LTBP1: variants seen among roughly 807,000 people sequenced by gnomAD.
The protein encoded by LTBP1 is latent-transforming growth factor beta-binding protein 1.
A neutral mutation model predicts 207.6 loss-of-function variants in LTBP1; 129 were observed. The ratio of observed to expected loss-of-function variants is 0.62; its 90% CI spans 0.54 to 0.72. LTBP1 has a LOEUF of 0.72. Among genes scored for constraint, LTBP1 ranks in the 30% least tolerant of loss-of-function variants. The pLI is 0.00. For synonymous variants in LTBP1, 963 were observed against 833.7 expected (o/e 1.16, Z -2.67); for missense variants, 2,281 against 2,217.2 (o/e 1.03, Z -0.58).
chr2:33,128,246 C>T (rs2081561577), intron 4 of LTBP1, among the ~76,000 whole-genome samples: 1 of 152,114 alleles, frequency 6.6e-6, no homozygotes, highest in South Asian at 2.1e-4. Flanking sequence ...TGAAAGACAA[C>T]AAATGTGGGG....
chr2:33,083,977 A>C (rs1365271813), intron 3 of LTBP1, among the ~76,000 whole-genome samples: 1 of 152,186 alleles, frequency 6.6e-6, no homozygotes, highest in Non-Finnish European at 1.5e-5. Flanking sequence ...TGGGGCCCCC[A>C]GACTGGTAAT....
intron 3 of LTBP1, among the ~76,000 whole-genome samples, chr2:33,041,253 T>C (rs1376972513): frequency 6.6e-6 from 1 of 152,310 alleles, no homozygotes; most frequent in Non-Finnish European, 1.5e-5. Context: ...GATGGCTATC[T>C]AAAGATACAG....
At chr2:32,975,599 T>G (rs954032062) in intron 2 of LTBP1, among the ~76,000 whole-genome samples, 7 of 126,794 alleles carry the variant, frequency 5.5e-5, no homozygotes, top group East Asian at 4.4e-4. Context: ...TTTTTTTTTT[T>G]TTTTTTTTTT....
chr2:33,368,215 AAAG>A (rs1289540592), intron 31 of LTBP1, among the ~76,000 whole-genome samples: 1 of 152,138 alleles, frequency 6.6e-6, no homozygotes, highest in African/African-American at 2.4e-5. Context: ...TCAAAAAAAA[AAAG>A]AAGTTACATC....
At chr2:33,180,597 A>G (rs1284315275) in intron 5 of LTBP1, among the ~76,000 whole-genome samples, 1 of 151,788 alleles carries the variant, frequency 6.6e-6, no homozygotes, top group Non-Finnish European at 1.5e-5. Flanking sequence ...GACTACAGGT[A>G]CATGCCACCA....
chr2:33,228,311 T>C (rs2091567701), intron 9 of LTBP1, among the ~76,000 whole-genome samples: 1 of 152,232 alleles, frequency 6.6e-6, no homozygotes, highest in Non-Finnish European at 1.5e-5. Context: ...AAGCACTTTA[T>C]ATCAGTTATC....
At chr2:33,061,721 C>G (rs1378181452) in intron 3 of LTBP1, among the ~76,000 whole-genome samples, 1 of 152,042 alleles carries the variant, frequency 6.6e-6, no homozygotes, top group Non-Finnish European at 1.5e-5. Context: ...TGATGAACAC[C>G]TGGGTTGTTT....
At chr2:33,204,692 G>GC (rs1208208766) in intron 7 of LTBP1, among the ~76,000 whole-genome samples, 3 of 152,038 alleles carry the variant, frequency 2.0e-5, no homozygotes, top group Non-Finnish European at 4.4e-5. Context: ...TGATCCTCCT[G>GC]CCTCAGCCTC....
intron 5 of LTBP1, among the ~76,000 whole-genome samples, chr2:33,156,168 C>G (rs1030982116): frequency 6.6e-6 from 1 of 152,068 alleles, no homozygotes; most frequent in South Asian, 2.1e-4. Flanking sequence ...AACTAAGGCC[C>G]GAAGAGGTTA....
chr2:32,993,029 G>A lies in LTBP1; in HGVS notation c.566-27880G>A, dbSNP rs535685864. On this transcript the variant is annotated intron_variant, in intron 2 of 33. Coordinates refer to ENST00000404816, the MANE Select transcript of LTBP1 (RefSeq NM_206943.4). ...AGGCAAGAATGGTGAGTTTGGTATCGGGTGCGTTGAGGTGCTGGTGGGCCT... is the reference window on the plus strand; with the variant it reads ...AGGCAAGAATGGTGAGTTTGGTATCAGGTGCGTTGAGGTGCTGGTGGGCCT... Among the ~76,000 whole-genome samples, 52 of 152,228 alleles carry A rather than the reference G, an allele frequency of 3.4e-4. 1 individual carries two copies. In the South Asian group the frequency reaches 0.01, roughly 30 times the overall value.
chr2:33,103,027 G>T (rs1208491429), intron 3 of LTBP1, among the ~76,000 whole-genome samples: 1 of 151,282 alleles, frequency 6.6e-6, no homozygotes, highest in East Asian at 1.9e-4. Context: ...TGTATGCATT[G>T]TCTGTATGCA....
At position 33,140,353 on chromosome 2, in the gene LTBP1, G is replaced by A. The variant is rs373301017; in HGVS notation, c.1201+5393G>A. On this transcript the variant is annotated intron_variant, in intron 5 of 33. Transcript: ENST00000404816. ...CTGAGTTTCTCATCCTTTGCCATTC[G>A]TCATTGTTTGGACTCCTTAATGTTT... Among the ~76,000 whole-genome samples the A allele has an allele frequency of 1.8e-3, 270 of 152,242 alleles. 5 individuals are homozygous for A. In the South Asian group the frequency reaches 0.045, roughly 25 times the overall value.
intron 3 of LTBP1, among the ~76,000 whole-genome samples, chr2:33,073,101 A>G (rs1257333489): frequency 6.6e-6 from 1 of 152,204 alleles, no homozygotes; most frequent in African/African-American, 2.4e-5. Flanking sequence ...TGGCCAGTTC[A>G]GTAGTTGTAG....
intron 3 of LTBP1, among the ~76,000 whole-genome samples, chr2:33,054,495 C>T (rs889872268): frequency 9.2e-5 from 14 of 152,090 alleles, no homozygotes; most frequent in Admixed American, 6.5e-4. Context: ...AACTTGTTCC[C>T]CATATTCATG....
chr2:33,171,471 G>C (rs62146673), intron 5 of LTBP1, among the ~76,000 whole-genome samples: 1 of 148,002 alleles, frequency 6.8e-6, no homozygotes, highest in Non-Finnish European at 1.5e-5. Context: ...AGAATAAAAA[G>C]AAACGAACAA....
At chr2:33,212,692 C>A (rs1026117390) in intron 7 of LTBP1, among the ~76,000 whole-genome samples, 1 of 152,172 alleles carries the variant, frequency 6.6e-6, no homozygotes, top group South Asian at 2.1e-4. Context: ...TCCACTCTTT[C>A]TATGATTTGT....
At chr2:33,140,170 A>T (rs2082519874) in intron 5 of LTBP1, among the ~76,000 whole-genome samples, 1 of 152,186 alleles carries the variant, frequency 6.6e-6, no homozygotes, top group African/African-American at 2.4e-5. Flanking sequence ...TGGTGCTGGG[A>T]TGAAGAGCAG....
chr2:33,187,799 G>A (rs2087368673), intron 6 of LTBP1, among the ~76,000 whole-genome samples: 1 of 152,094 alleles, frequency 6.6e-6, no homozygotes, highest in Non-Finnish European at 1.5e-5. Flanking sequence ...AAAATAACAG[G>A]TACTGTATTA....
chr2:32,968,770 C>G (rs2148539435), intron 2 of LTBP1, among the ~76,000 whole-genome samples: 1 of 150,308 alleles, frequency 6.7e-6, no homozygotes, highest in South Asian at 2.1e-4. Flanking sequence ...GTTGCCCAGG[C>G]TGGTGTGCAG....
Sources: gnomAD v4.1 joint callset for allele counts (sites outside exome capture counted in the v4.1 genomes callset) on GRCh38, gnomAD v4.1.1 for gene constraint, MANE v1.5 for transcripts, NCBI Gene and HGNC (gene_info 2026-07-23, HGNC 2026-07-21) for gene names.